The following TATDN3 variants were observed in gnomAD, a reference collection of about 807,000 sequenced individuals.
TATDN3 encodes deoxyribonuclease TATDN3.
In TATDN3, 29 loss-of-function variants were observed where a neutral mutation model predicts 40.1. That is an observed-to-expected ratio of 0.72 (90% CI 0.54 to 0.99). The LOEUF (loss-of-function observed/expected upper bound fraction) is 0.99, where lower values mean the gene tolerates loss of function less well. Ranked by LOEUF, TATDN3 falls within the 50% of genes least tolerant of loss-of-function variation. The probability of loss-of-function intolerance (pLI) is 0.00; values close to 1 mark genes in which losing one functional copy is unlikely to be tolerated. For synonymous variants in TATDN3, 105 were observed against 117.0 expected, an observed-to-expected ratio of 0.90 and a Z score of 0.66; for missense variants, 309 against 321.9, an observed-to-expected ratio of 0.96 and a Z score of 0.31.
chr1:212,794,852 A>G, intron 1 of TATDN3: 1 of 628,810 alleles, frequency 1.6e-6, no homozygotes, highest in Non-Finnish European at 3.0e-6. Flanking sequence ...TAAGATGAGG[A>G]CAGAGAAATA....
chr1:212,807,887 ATAAAATT>A (rs1662637541), intron 8 of TATDN3, 39 bp downstream of exon 8: 1 of 1,356,932 alleles, frequency 7.4e-7, no homozygotes, highest in African/African-American at 1.5e-5. Flanking sequence ...TACTTATGAA[ATAAAATT>A]TAAAACATGA....
intron 8 of TATDN3, among the ~76,000 whole-genome samples, chr1:212,808,755 C>T (rs1281425254): frequency 6.6e-6 from 1 of 152,128 alleles, no homozygotes; most frequent in African/African-American, 2.4e-5. Flanking sequence ...ATCAAAGGTA[C>T]AGTGAGAGAT....
At chr1:212,798,142 T>C (rs1019305727) in intron 4 of TATDN3, among the ~76,000 whole-genome samples, 1 of 152,048 alleles carries the variant, frequency 6.6e-6, no homozygotes, top group Non-Finnish European at 1.5e-5. Context: ...CTGGCTAACA[T>C]GGTGAAACCC....
At position 212,796,506 on chromosome 1, in the gene TATDN3, T is replaced by C; in HGVS notation, c.100-11T>C. On this transcript the variant is annotated splice_polypyrimidine_tract_variant and intron_variant, in intron 2 of 9. Coordinates refer to ENST00000366974, the MANE Select transcript of TATDN3 (RefSeq NM_001042552.3). ...TATTGTTTGTAACTTTATTCTTTTTTTTTTTTTCAGGCCAATGTTGTGGCC... is the reference window on the plus strand; with the variant it reads ...TATTGTTTGTAACTTTATTCTTTTTCTTTTTTTCAGGCCAATGTTGTGGCC... 6.6e-7 allele frequency: 1 copy of C among 1,523,648 alleles called. No individual in the cohort carries two copies. Among genetic ancestry groups the C allele is most frequent in the East Asian group, 2.4e-5 (1 of 42,382 alleles). 94.4% of individuals were successfully genotyped at this position (1,523,648 alleles called of 1,614,324 possible).
chr1:212,805,044 C>G (rs549240340), intron 7 of TATDN3, among the ~76,000 whole-genome samples: 1 of 152,212 alleles, frequency 6.6e-6, no homozygotes, highest in East Asian at 1.9e-4. Flanking sequence ...TCACTGCAAC[C>G]TCTGCCTCCT....
chr1:212,809,783 G>A (rs1381142400), intron 8 of TATDN3, among the ~76,000 whole-genome samples: 3 of 152,080 alleles, frequency 2.0e-5, no homozygotes, highest in African/African-American at 7.2e-5. Flanking sequence ...CAGCACTTTC[G>A]GAGGTCAAAG....
intron 1 of TATDN3, among the ~76,000 whole-genome samples, 165 bp downstream of exon 1, chr1:212,792,152 C>T (rs1197883959): frequency 6.6e-6 from 1 of 152,200 alleles, no homozygotes; most frequent in African/African-American, 2.4e-5. Flanking sequence ...CCTATTTAAC[C>T]TCAGACATAC....
intron 8 of TATDN3, among the ~76,000 whole-genome samples, chr1:212,808,351 A>G (rs555968937): frequency 6.6e-6 from 1 of 152,042 alleles, no homozygotes; most frequent in South Asian, 2.1e-4. Flanking sequence ...AGAGGAAAAC[A>G]GGCCTTAATT....
rs529265344 is a variant in TATDN3, at chr1:212,804,308, T to C, written c.322-12T>C. Reference sequence around the variant, plus strand: ...ACCTAAATATGTAATATCTTTTATTTTTCTGCTCTAGGTTGGACTAGATTT... The same window carrying C: ...ACCTAAATATGTAATATCTTTTATTCTTCTGCTCTAGGTTGGACTAGATTT... On this transcript the variant is annotated splice_polypyrimidine_tract_variant and intron_variant, in intron 5 of 9. Transcript: ENST00000366974. The C allele has an allele frequency of 1.2e-6, 2 of 1,601,796 alleles. No individual in the cohort carries two copies. Among genetic ancestry groups the C allele is most frequent in the Non-Finnish European group, 1.7e-6 (2 of 1,169,748 alleles).
At position 212,804,650 on chromosome 1, in the gene TATDN3, A is replaced by G. The variant is rs1159068165; in HGVS notation, c.486A>G (p.Gln162=). ...CTACCATCAACCTTTTACAAGAGCA[A>G]GGTATTTCGTTTCCTGAGAAAAATA... ...GRPTINLLQE[Q]GAEKVLLHAF... Residue 162 remains glutamine, a splice_region_variant and synonymous_variant, in exon 7 of 10, where the codon CAA becomes CAG. Transcript: ENST00000366974. 3 of 1,612,674 alleles carry G rather than the reference A, an allele frequency of 1.9e-6. No individual in the cohort carries two copies. Among genetic ancestry groups the G allele is most frequent in the South Asian group, 1.1e-5 (1 of 90,724 alleles).
chr1:212,804,208 G>T, intron 5 of TATDN3, 112 bp from the exon 6 acceptor site: 2 of 636,326 alleles, frequency 3.1e-6, no homozygotes, highest in Non-Finnish European at 2.7e-6. Context: ...TTTTTATGTG[G>T]CTTGCTTTTG....
intron 8 of TATDN3, among the ~76,000 whole-genome samples, chr1:212,808,861 A>T (rs1662694026): frequency 6.6e-6 from 1 of 152,236 alleles, no homozygotes. Flanking sequence ...CCCAAAAGAG[A>T]TTAAAACATA....
Position 212,791,974 on chromosome 1 carries a change from C to G in TATDN3, c.53C>G (p.Pro18Arg). 3 of 1,614,086 alleles carry G rather than the reference C, an allele frequency of 1.9e-6. No individual in the cohort carries two copies. The East Asian group carries it at 6.7e-5, about 36-fold the overall frequency. Reference protein sequence around the residue: ...LVDCHCHLSAPDFDRDLDDVL... With the variant: ...LVDCHCHLSARDFDRDLDDVL... The stretch of plus-strand genomic sequence containing the variant: ...GACTGTCACTGCCACCTCTCCGCCC[C>G]GGACTTTGACCGCGTATGTGAGGGC... The change falls in exon 1 of 10, where the codon CCG becomes CGG. Residue 18 changes from proline (P) to arginine (R), a missense_variant. Coordinates refer to ENST00000366974, the MANE Select transcript of TATDN3 (RefSeq NM_001042552.3).
At position 212,812,228 on chromosome 1, in the gene TATDN3, T is replaced by G; in HGVS notation, c.601-20T>G. On this transcript the variant is annotated intron_variant, in intron 8 of 9. Transcript: ENST00000366974. ...TTATTTCTCATGTTTTAAACTTAGC[T>G]GCTTTCTCTTTTCTCTAAGAAGCAG... 1.3e-6 allele frequency: 2 copies of G among 1,510,342 alleles called. No homozygotes were observed. Among genetic ancestry groups the G allele is most frequent in the Non-Finnish European group, 1.8e-6 (2 of 1,115,618 alleles). 93.6% of individuals were successfully genotyped at this position (1,510,342 alleles called of 1,614,324 possible).
At position 212,797,208 on chromosome 1, in the gene TATDN3, A is replaced by G. The variant is rs1571950803; in HGVS notation, c.258+12A>G. The G allele has an allele frequency of 1.2e-6, 2 of 1,601,454 alleles. No homozygotes were observed. Among genetic ancestry groups the G allele is most frequent in the East Asian group, 2.2e-5 (1 of 44,810 alleles). The stretch of plus-strand genomic sequence containing the variant: ...GTGTCACACTAAAGGTAACAGTCAT[A>G]CAAAACAGGAACCATTAAAAACAAA... On this transcript the variant is annotated intron_variant, in intron 4 of 9. Transcript: ENST00000366974.
chr1:212,798,057 T>C (rs1456805594), intron 4 of TATDN3, among the ~76,000 whole-genome samples: 1 of 152,174 alleles, frequency 6.6e-6, no homozygotes, highest in Non-Finnish European at 1.5e-5. Flanking sequence ...CTGGACACAG[T>C]GGCTCGTGCC....
chr1:212,794,447 T>C (rs1239101128), intron 1 of TATDN3, among the ~76,000 whole-genome samples: 1 of 151,934 alleles, frequency 6.6e-6, no homozygotes, highest in African/African-American at 2.4e-5. Context: ...AAAATTTAGC[T>C]GAGTGTGGTG....
At chr1:212,803,637 T>C (rs1049724557) in intron 5 of TATDN3, among the ~76,000 whole-genome samples, 7 of 151,952 alleles carry the variant, frequency 4.6e-5, no homozygotes, top group Non-Finnish European at 8.8e-5. Context: ...TCCAATATAG[T>C]GGCCACTTAA....
intron 9 of TATDN3, among the ~76,000 whole-genome samples, chr1:212,814,577 A>G (rs1663084491): frequency 6.6e-6 from 1 of 152,258 alleles, no homozygotes; most frequent in African/African-American, 2.4e-5. Flanking sequence ...GTGAAATGCC[A>G]GTACATAATC....
Sources: gnomAD v4.1 joint callset for allele counts (sites outside exome capture counted in the v4.1 genomes callset) on GRCh38, gnomAD v4.1.1 for gene constraint, MANE v1.5 for transcripts, NCBI Gene and HGNC (gene_info 2026-07-23, HGNC 2026-07-21) for gene names.